The following SLC35F3 variants were observed in gnomAD, a reference collection of about 807,000 sequenced individuals.
The protein encoded by SLC35F3 is solute carrier family 35 member F3.
SLC35F3 carries 25 observed loss-of-function variants against 49.9 expected under a neutral mutation model. The ratio of observed to expected loss-of-function variants is 0.50; its 90% CI spans 0.37 to 0.70. The LOEUF (loss-of-function observed/expected upper bound fraction) is 0.70, where lower values mean the gene tolerates loss of function less well. SLC35F3 is among the 30% of genes least tolerant of loss of function. The pLI is 0.00. For missense variants in SLC35F3, 525 were observed against 639.8 expected (o/e 0.82, Z 1.94); for synonymous variants, 275 against 265.4 (o/e 1.04, Z -0.35).
chr1:233,915,796 G>C (rs2102784767), intron 2 of SLC35F3, among the ~76,000 whole-genome samples: 1 of 152,314 alleles, frequency 6.6e-6, no homozygotes. Context: ...AGCTTGTTCA[G>C]AGGAACTCCT....
At chr1:234,008,055 G>A (rs887007780) in intron 2 of SLC35F3, among the ~76,000 whole-genome samples, 19 of 152,184 alleles carry the variant, frequency 1.2e-4, no homozygotes, top group African/African-American at 4.6e-4. Context: ...AGAGTCCTAG[G>A]AACGGATTCC....
chr1:233,923,531 C>T (rs1221619147), intron 2 of SLC35F3, among the ~76,000 whole-genome samples: 1 of 152,166 alleles, frequency 6.6e-6, no homozygotes, highest in Non-Finnish European at 1.5e-5. Flanking sequence ...TGCCTATCAG[C>T]TTAAGGAGAT....
intron 3 of SLC35F3, among the ~76,000 whole-genome samples, chr1:234,240,263 A>G (rs546408648): frequency 6.6e-6 from 1 of 152,252 alleles, no homozygotes; most frequent in East Asian, 1.9e-4. Flanking sequence ...TGAGCCCAGG[A>G]GTTCGAGACC....
rs932390944 is a variant in SLC35F3 at position 234,231,154 on chromosome 1, G to C, written c.284-263G>C. On this transcript the variant is annotated intron_variant, in intron 2 of 7. Coordinates refer to ENST00000366618, the MANE Select transcript of SLC35F3 (RefSeq NM_173508.4). This position sits in a 1 kb window ranked among gnomAD's most constrained non-coding sequence, Gnocchi z 5.4. The stretch of plus-strand genomic sequence containing the variant: ...AGATTCTGCATTTCCAACACGTTCC[G>C]GGGACGGACGGGGAAGGGTGCTGAC... Among the ~76,000 whole-genome samples the C allele has an allele frequency of 2.0e-5, 3 of 152,164 alleles. No individual in the cohort carries two copies. The highest frequency in any genetic ancestry group is 6.5e-5 in the Admixed American group (1 of 15,280).
At chr1:233,955,606 T>G (rs1321544964) in intron 2 of SLC35F3, among the ~76,000 whole-genome samples, 1 of 152,120 alleles carries the variant, frequency 6.6e-6, no homozygotes, top group Non-Finnish European at 1.5e-5. Context: ...CCCCCCTGTC[T>G]TGCTGCTTTT....
intron 2 of SLC35F3, among the ~76,000 whole-genome samples, chr1:233,946,051 T>C (rs1274578352): frequency 2.0e-5 from 3 of 152,246 alleles, no homozygotes; most frequent in Non-Finnish European, 4.4e-5. Flanking sequence ...GATTGCTAAA[T>C]ATTTGATTCT....
intron 3 of SLC35F3, among the ~76,000 whole-genome samples, chr1:234,284,723 T>C (rs1262817079): frequency 6.6e-6 from 1 of 152,092 alleles, no homozygotes; most frequent in East Asian, 1.9e-4. Flanking sequence ...AATGCAGGCA[T>C]CCAGGTAACT....
chr1:234,015,010 A>C (rs960029053), intron 2 of SLC35F3, among the ~76,000 whole-genome samples: 25 of 152,234 alleles, frequency 1.6e-4, no homozygotes, highest in African/African-American at 6.0e-4. Context: ...AAAATCCTGG[A>C]AGTCAAGATA....
intron 2 of SLC35F3, among the ~76,000 whole-genome samples, chr1:234,146,620 T>C (rs969470781): frequency 6.6e-6 from 1 of 151,786 alleles, no homozygotes; most frequent in Non-Finnish European, 1.5e-5. Context: ...GTTCAAGTGA[T>C]TCTCCTGCCT....
chr1:234,272,706 G>A (rs1375657315), intron 3 of SLC35F3, among the ~76,000 whole-genome samples: 1 of 152,114 alleles, frequency 6.6e-6, no homozygotes, highest in Non-Finnish European at 1.5e-5. Flanking sequence ...TTAAATCTCA[G>A]GTTTTCCCAT....
At chr1:233,914,511 G>C (rs1661937117) in intron 2 of SLC35F3, among the ~76,000 whole-genome samples, 1 of 152,198 alleles carries the variant, frequency 6.6e-6, no homozygotes, top group African/African-American at 2.4e-5. Context: ...TCTGTTGTGT[G>C]CAACTACAGG....
chr1:234,294,112 T>A (rs1668552835), intron 3 of SLC35F3, among the ~76,000 whole-genome samples: 1 of 152,208 alleles, frequency 6.6e-6, no homozygotes, highest in Admixed American at 6.5e-5. Context: ...CTTTAAATAG[T>A]TTTAACACAG....
intron 2 of SLC35F3, among the ~76,000 whole-genome samples, chr1:234,109,965 A>G (rs1476678109): frequency 3.3e-5 from 5 of 152,184 alleles, no homozygotes; most frequent in Admixed American, 6.5e-5. Context: ...AACAGCAACT[A>G]GCTCTGGTTG....
At chr1:234,002,648 G>T (rs748458323) in intron 2 of SLC35F3, among the ~76,000 whole-genome samples, 16 of 152,118 alleles carry the variant, frequency 1.1e-4, no homozygotes, top group Non-Finnish European at 1.8e-4. Context: ...GTGTTAGTCA[G>T]ATTCCCCCAC....
chr1:234,301,798 A>G (rs1265116002), intron 3 of SLC35F3, among the ~76,000 whole-genome samples: 2 of 152,258 alleles, frequency 1.3e-5, no homozygotes, highest in Non-Finnish European at 2.9e-5. Context: ...CCAAATGCCC[A>G]TCAATGATAG....
intron 2 of SLC35F3, among the ~76,000 whole-genome samples, chr1:234,156,435 C>A (rs1666154133): frequency 1.3e-5 from 2 of 152,042 alleles, no homozygotes; most frequent in African/African-American, 4.8e-5. Flanking sequence ...ATATGGTGCA[C>A]AAAAACGTTC....
intron 2 of SLC35F3, among the ~76,000 whole-genome samples, chr1:234,211,699 C>T (rs541150752): frequency 6.6e-6 from 1 of 152,340 alleles, no homozygotes; most frequent in East Asian, 1.9e-4. Flanking sequence ...AAGTAACTAA[C>T]TTGCTTTTGA....
chr1:234,056,581 C>T (rs943357880), intron 2 of SLC35F3, among the ~76,000 whole-genome samples: 1 of 152,166 alleles, frequency 6.6e-6, no homozygotes, highest in Non-Finnish European at 1.5e-5. Flanking sequence ...ATAGATGTGC[C>T]TATTCTGGAC....
In SLC35F3 at chr1:234,317,512, C is replaced by T. The variant is rs572302047; in HGVS notation, c.954+785C>T. Among the ~76,000 whole-genome samples, 19 of 152,270 alleles carry T rather than the reference C, an allele frequency of 1.2e-4. 1 individual carries two copies. The South Asian group carries it at 1.5e-3, about 12-fold the overall frequency. ...GAGAAAAGAGATTTTAGTTTTGAGACGTATCAGCCCTTTGTGGATCCAGAC... is the reference window on the plus strand; with the variant it reads ...GAGAAAAGAGATTTTAGTTTTGAGATGTATCAGCCCTTTGTGGATCCAGAC... On this transcript the variant is annotated intron_variant, in intron 5 of 7. Coordinates refer to ENST00000366618, the MANE Select transcript of SLC35F3 (RefSeq NM_173508.4).
Sources: gnomAD v4.1 joint callset for allele counts (sites outside exome capture counted in the v4.1 genomes callset) on GRCh38, gnomAD v4.1.1 for gene constraint, Gnocchi (gnomAD v3.1) non-coding constraint, MANE v1.5 for transcripts, NCBI Gene and HGNC (gene_info 2026-07-23, HGNC 2026-07-21) for gene names.